TRIM41: variants seen among roughly 807,000 people sequenced by gnomAD.
TRIM41 encodes the protein E3 ubiquitin-protein ligase TRIM41.
TRIM41 carries 21 observed loss-of-function variants against 60.6 expected under a neutral mutation model. The ratio of observed to expected loss-of-function variants is 0.35; its 90% CI spans 0.25 to 0.50. TRIM41 has a LOEUF of 0.50. Among genes scored for constraint, TRIM41 ranks in the 20% least tolerant of loss-of-function variants. The pLI, the probability that TRIM41 is intolerant of heterozygous loss-of-function variation, is 0.98. For missense variants in TRIM41, 846 were observed against 868.3 expected (o/e 0.97, Z 0.32); for synonymous variants, 407 against 344.9 (o/e 1.18, Z -2.00).
At chr5:181,231,403 C>T (rs886238851) in intron 2 of TRIM41, 3 of 152,524 alleles carry the variant, frequency 2.0e-5, no homozygotes, top group African/African-American at 7.3e-5. Context: ...CGCCCTTCTC[C>T]AAGGAGTCTT....
At chr5:181,230,576 C>A in intron 1 of TRIM41, 168 bp from the exon 2 acceptor site, 1 of 416,712 alleles carries the variant, frequency 2.4e-6, no homozygotes, top group Non-Finnish European at 4.6e-6. Flanking sequence ...AGGCTTTTGT[C>A]ATCATCTGAA....
At position 181,235,421 on chromosome 5, in the gene TRIM41, T is replaced by G. The variant is rs1051135970; in HGVS notation, c.*646T>G. The G allele has an allele frequency of 2.5e-6, 4 of 1,613,964 alleles. No individual in the cohort carries two copies. The highest frequency in any genetic ancestry group is 2.5e-6 in the Non-Finnish European group (3 of 1,179,850). ...TCGCCATGATTGAAACCACGCACCA[T>G]TACATCATCATTACATTAATTACAT... On this transcript the variant is annotated 3_prime_UTR_variant, in exon 6 of 6. Transcript: ENST00000315073.
At chr5:181,232,532 G>C in intron 2 of TRIM41, 127 bp from the exon 3 acceptor site, 1 of 863,414 alleles carries the variant, frequency 1.2e-6, no homozygotes, top group Middle Eastern at 3.4e-4. Context: ...GCCTCTTTCC[G>C]GGACTATCTT....
chr5:181,232,582 A>T (rs1448121130), intron 2 of TRIM41, 77 bp from the exon 3 acceptor site: 20 of 1,378,772 alleles, frequency 1.5e-5, no homozygotes, highest in East Asian at 2.4e-5. Context: ...TTGCATTGAG[A>T]AGTAGTAGTT....
intron 1 of TRIM41, chr5:181,228,960 A>C (rs1758677473): frequency 3.4e-5 from 5 of 149,038 alleles, no homozygotes; most frequent in Non-Finnish European, 7.4e-5. Context: ...AAAAAAAAAC[A>C]GTAAATGGTA....
chr5:181,225,253 T>G, intron 1 of TRIM41: 1 of 211,348 alleles, frequency 4.7e-6, no homozygotes, highest in Non-Finnish European at 9.7e-6. Flanking sequence ...TGCACTTGCC[T>G]CCCAGTGGGT....
In TRIM41 at chr5:181,223,805, G is replaced by A. The variant is rs1758403634; in HGVS notation, c.-195G>A. 1.6e-6 allele frequency: 1 copy of A among 632,940 alleles called. No individual in the cohort carries two copies. Among genetic ancestry groups the A allele is most frequent in the East Asian group, 2.7e-5 (1 of 36,520 alleles). The allele number at this position is 632,940 out of a possible 1,614,324, so 39.2% of individuals were successfully genotyped here. On this transcript the variant is annotated 5_prime_UTR_variant, in exon 1 of 6. Coordinates refer to ENST00000315073, the MANE Select transcript of TRIM41 (RefSeq NM_033549.5). ...CAGCACTGTCCCCTCCCCTCGTAGA[G>A]ACACGGTTGTCGTTTGGGAGTAGGG...
intron 2 of TRIM41, chr5:181,231,094 C>T: frequency 2.7e-6 from 1 of 367,496 alleles, no homozygotes; most frequent in Non-Finnish European, 5.3e-6. Flanking sequence ...CCCAAGGCTG[C>T]AGAACAGGCT....
At position 181,233,674 on chromosome 5, in the gene TRIM41, C is replaced by T. The variant is rs774859863; in HGVS notation, c.1202C>T (p.Ser401Phe). ...CAGCTGCAGCCCCCAGAGGTCTGGT[C>T]CCCTGACCCGTGCCAACCCCATAGC... ...EVQLQPPEVWSPDPCQPHSHD... is the reference protein window; with the variant it reads ...EVQLQPPEVWFPDPCQPHSHD... Residue 401 changes from serine (S) to phenylalanine (F), a missense_variant, in exon 5 of 6, where the codon TCC becomes TTC. By Grantham distance (155) the Ser-to-Phe change is radical. Coordinates refer to ENST00000315073, the MANE Select transcript of TRIM41 (RefSeq NM_033549.5). This position sits in a 1 kb window ranked among gnomAD's most constrained non-coding sequence, Gnocchi z 4.1. The T allele has an allele frequency of 6.2e-7, 1 of 1,614,150 alleles. No individual in the cohort carries two copies.
chr5:181,234,044 C>A lies in TRIM41; in HGVS notation c.1292-130C>A. 6.7e-7 allele frequency: 1 copy of A among 1,482,328 alleles called. No homozygotes were observed. The highest frequency in any genetic ancestry group is 9.2e-7 in the Non-Finnish European group (1 of 1,081,694). 91.8% of individuals were successfully genotyped at this position (1,482,328 alleles called of 1,614,324 possible). On this transcript the variant is annotated intron_variant, in intron 5 of 5. Transcript: ENST00000315073. The surrounding 1 kb of genome is among the most constrained non-coding windows in gnomAD (Gnocchi z 5.6). ...AGGAGCAAGATGAGCCTGCAGGAAT[C>A]TGAGGCTGGCCTCTGGGATGGTGTG...
In TRIM41 at chr5:181,233,813, T is replaced by G; in HGVS notation, c.1291+50T>G. On this transcript the variant is annotated intron_variant, in intron 5 of 5. Coordinates refer to ENST00000315073, the MANE Select transcript of TRIM41 (RefSeq NM_033549.5). The surrounding 1 kb of genome is among the most constrained non-coding windows in gnomAD (Gnocchi z 4.1). ...TCCTTTGCCTTTCCCTTCACAGACC[T>G]GAGACTGGGTCCTGAGGGAAGTTGG... is the stretch of plus-strand genomic sequence containing the variant. The G allele has an allele frequency of 6.2e-7, 1 of 1,613,588 alleles. No homozygotes were observed. The highest frequency in any genetic ancestry group is 8.5e-7 in the Non-Finnish European group (1 of 1,179,602).
At position 181,234,164 on chromosome 5, in the gene TRIM41, C is replaced by T. The variant is rs568145348; in HGVS notation, c.1292-10C>T. On this transcript the variant is annotated splice_polypyrimidine_tract_variant and intron_variant, in intron 5 of 5. Coordinates refer to ENST00000315073, the MANE Select transcript of TRIM41 (RefSeq NM_033549.5). The surrounding 1 kb of genome is among the most constrained non-coding windows in gnomAD (Gnocchi z 5.6). ...CAGCCCTGGCGTATTTGTCCTCCCT[C>T]CCTCCCAAGTGGACCTGACGCTGGA... The T allele has an allele frequency of 3.1e-6, 5 of 1,608,236 alleles. No homozygotes were observed. In the African/African-American group the frequency reaches 5.3e-5, roughly 17 times the overall value.
chr5:181,228,611 G>C (rs1387068519), intron 1 of TRIM41: 1 of 144,962 alleles, frequency 6.9e-6, no homozygotes, highest in East Asian at 2.0e-4. Flanking sequence ...AACTCTGTTT[G>C]AATTTGTGCT....
Position 181,235,774 on chromosome 5 carries a change from C to T in TRIM41, c.*999C>T, listed in dbSNP as rs181384563. On this transcript the variant is annotated 3_prime_UTR_variant, in exon 6 of 6. Transcript: ENST00000315073. ...TCATGTTCTTTGGGAAAAGGGAAGG[C>T]GTGCTGTGGAAATAAAATGTTTATT... is the stretch of plus-strand genomic sequence containing the variant. 6.3e-5 allele frequency: 14 copies of T among 220,966 alleles called. No individual in the cohort carries two copies. Among genetic ancestry groups the T allele is most frequent in the East Asian group, 6.1e-4 (6 of 9,882 alleles). 13.7% of individuals were successfully genotyped at this position (220,966 alleles called of 1,614,324 possible).
chr5:181,235,148 C>A lies in TRIM41; in HGVS notation c.*373C>A. The A allele has an allele frequency of 6.5e-7, 1 of 1,549,944 alleles. No homozygotes were observed. Among genetic ancestry groups the A allele is most frequent in the East Asian group, 2.3e-5 (1 of 43,740 alleles). On this transcript the variant is annotated 3_prime_UTR_variant, in exon 6 of 6. Coordinates refer to ENST00000315073, the MANE Select transcript of TRIM41 (RefSeq NM_033549.5). The stretch of plus-strand genomic sequence containing the variant: ...TTTCCCCACCCCTGCTCTTCAACCT[C>A]TTTATCAGTTCTGAGGCTGGAGGGT...
chr5:181,223,466 C>T lies in TRIM41; in HGVS notation c.-534C>T, dbSNP rs1758376683. The T allele has an allele frequency of 2.5e-6, 1 of 401,754 alleles. No individual in the cohort carries two copies. The highest frequency in any genetic ancestry group is 4.4e-6 in the Non-Finnish European group (1 of 227,864). The allele number at this position is 401,754 out of a possible 1,614,324, so 24.9% of individuals were successfully genotyped here. A position where few individuals can be genotyped will look rare whatever the true frequency, so the allele number is the denominator to read the frequency against. On this transcript the variant is annotated 5_prime_UTR_variant, in exon 1 of 6. Transcript: ENST00000315073. ...CGGTTCCTCTGTTCTTTCTGCGTTC[C>T]CCGCGGCCTCTTACCACAGAGACGC...
In TRIM41 at chr5:181,233,935, C is replaced by G. The variant is rs545315859; in HGVS notation, c.1291+172C>G. 1 of 1,235,888 alleles carries G rather than the reference C, an allele frequency of 8.1e-7. No homozygotes were observed. Among genetic ancestry groups the G allele is most frequent in the East Asian group, 2.5e-5 (1 of 40,406 alleles). The allele number at this position is 1,235,888 out of a possible 1,614,324, so 76.6% of individuals were successfully genotyped here. On this transcript the variant is annotated intron_variant, in intron 5 of 5. Transcript: ENST00000315073. The surrounding 1 kb of genome is among the most constrained non-coding windows in gnomAD (Gnocchi z 4.1). ...CATGAGCAGGTAGACCTAGTGCAGGCAGGCCTGGAGGGTGGGGTGGGGTGG... is the reference window on the plus strand; with the variant it reads ...CATGAGCAGGTAGACCTAGTGCAGGGAGGCCTGGAGGGTGGGGTGGGGTGG...
Position 181,233,473 on chromosome 5 carries a change from A to G in TRIM41, c.1163+38A>G. 1 of 1,614,054 alleles carries G rather than the reference A, an allele frequency of 6.2e-7. No homozygotes were observed. Among genetic ancestry groups the G allele is most frequent in the Non-Finnish European group, 8.5e-7 (1 of 1,180,002 alleles). On this transcript the variant is annotated intron_variant, in intron 4 of 5. Coordinates refer to ENST00000315073, the MANE Select transcript of TRIM41 (RefSeq NM_033549.5). The surrounding 1 kb of genome is among the most constrained non-coding windows in gnomAD (Gnocchi z 4.1). The stretch of plus-strand genomic sequence containing the variant: ...TCTTTGCCCTTCGTGACCCAGTGGC[A>G]TCTGGTTCCCTGTCCCTGCTTCTCT...
In TRIM41 at chr5:181,234,707, C is replaced by G; in HGVS notation, c.1825C>G (p.Leu609Val). 7 of 1,614,186 alleles carry G rather than the reference C, an allele frequency of 4.3e-6. No homozygotes were observed. Among genetic ancestry groups the G allele is most frequent in the Non-Finnish European group, 5.9e-6 (7 of 1,180,018 alleles). ...AHVHTFSAAF[L>V]GERVFPFFRV... ...CGTGCACACCTTCTCGGCTGCCTTC[C>G]TGGGCGAGCGTGTCTTTCCTTTCTT... Residue 609 changes from leucine to valine, a missense_variant, in exon 6 of 6, where the codon CTG becomes GTG. Physicochemically the swap from Leu to Val is conservative, Grantham distance 32 (BLOSUM62 1). Transcript: ENST00000315073. This position sits in a 1 kb window ranked among gnomAD's most constrained non-coding sequence, Gnocchi z 5.6.
Sources: allele counts gnomAD v4.1 joint callset, GRCh38; gene constraint gnomAD v4.1.1; non-coding constraint Gnocchi (gnomAD v3.1); transcripts MANE v1.5; gene names NCBI Gene and HGNC (gene_info 2026-07-23, HGNC 2026-07-21).